The following DPP10 variants were observed in gnomAD, a reference collection of about 807,000 sequenced individuals.
DPP10 encodes the protein dipeptidyl peptidase like 10.
A neutral mutation model predicts 120.9 loss-of-function variants in DPP10; 33 were observed. The observed-to-expected ratio is 0.27, with a 90% confidence interval of 0.21 to 0.37. The LOEUF is 0.37. DPP10 is among the 10% of genes least tolerant of loss of function. The pLI is 1.00. For synonymous variants in DPP10, 337 were observed against 326.1 expected (o/e 1.03, Z -0.36); for missense variants, 816 against 942.8 (o/e 0.87, Z 1.76).
chr2:115,663,955 A>T (rs893201671), intron 5 of DPP10, among the ~76,000 whole-genome samples: 11 of 151,996 alleles, frequency 7.2e-5, no homozygotes, highest in African/African-American at 2.7e-4. Context: ...AGATCGTGCC[A>T]TTGCACTCCA....
rs1214456504 is a variant in DPP10, at chr2:115,844,348, G to A, written c.*2003G>A. 2 of 152,298 alleles carry A rather than the reference G, an allele frequency of 1.3e-5. No individual in the cohort carries two copies. Among genetic ancestry groups the A allele is most frequent in the African/African-American group, 2.4e-5 (1 of 41,364 alleles). The allele number at this position is 152,298 out of a possible 1,614,324, so 9.4% of individuals were successfully genotyped here. On this transcript the variant is annotated 3_prime_UTR_variant, in exon 26 of 26. Transcript: ENST00000410059. The stretch of plus-strand genomic sequence containing the variant: ...TTTGAGTATCATTTAAAAAGTATTT[G>A]CCTTTTACTGTCATCATTTCTCTTG...
intron 1 of DPP10, among the ~76,000 whole-genome samples, chr2:115,043,746 A>T (rs2105312129): frequency 6.6e-6 from 1 of 152,298 alleles, no homozygotes. Flanking sequence ...AACGTTTAAA[A>T]ATTGGCTTTC....
intron 1 of DPP10, among the ~76,000 whole-genome samples, chr2:114,901,808 AAAT>A (rs1325669389): frequency 1.3e-5 from 2 of 152,182 alleles, no homozygotes; most frequent in African/African-American, 2.4e-5. Flanking sequence ...CTCTTTCTTC[AAAT>A]AATAATAATG....
In DPP10 at chr2:114,921,779, T is replaced by C. The variant is rs113150429; in HGVS notation, c.61-387460T>C. 2.5e-3 allele frequency among the ~76,000 whole-genome samples: 383 copies of C among 152,354 alleles called. 4 individuals carry two copies. Among genetic ancestry groups the C allele is most frequent in the African/African-American group, 8.4e-3 (351 of 41,590 alleles). ...AGATAATATCTGTCTATTATGGCTG[T>C]ATCCAAGATACCTACCACAAAGCCT... On this transcript the variant is annotated intron_variant, in intron 1 of 25. Coordinates refer to ENST00000410059, the MANE Select transcript of DPP10 (RefSeq NM_020868.6).
intron 5 of DPP10, among the ~76,000 whole-genome samples, chr2:115,655,891 G>A (rs901299271): frequency 6.6e-6 from 1 of 151,408 alleles, no homozygotes; most frequent in Non-Finnish European, 1.5e-5. Context: ...TTTGGCAATT[G>A]GGTGTTAAAT....
At chr2:115,253,636 G>T (rs976146079) in intron 1 of DPP10, among the ~76,000 whole-genome samples, 3 of 152,222 alleles carry the variant, frequency 2.0e-5, no homozygotes, top group Non-Finnish European at 4.4e-5. Flanking sequence ...AACCTGGCAG[G>T]ACAGTCATTA....
At chr2:114,752,300 AG>A (rs1411671817) in intron 1 of DPP10, among the ~76,000 whole-genome samples, 2 of 152,214 alleles carry the variant, frequency 1.3e-5, no homozygotes, top group African/African-American at 2.4e-5. Context: ...CTTACTCTTC[AG>A]GTATCTGTAA....
At chr2:114,527,863 A>T (rs1329629731) in intron 1 of DPP10, among the ~76,000 whole-genome samples, 2 of 152,222 alleles carry the variant, frequency 1.3e-5, no homozygotes, top group Non-Finnish European at 2.9e-5. Context: ...CACAATGATA[A>T]GCACGTATAT....
chr2:114,537,668 C>A (rs983053305), intron 1 of DPP10, among the ~76,000 whole-genome samples: 5 of 152,100 alleles, frequency 3.3e-5, no homozygotes, highest in Admixed American at 1.3e-4. Context: ...TATTCCATCC[C>A]ATTTGATCAT....
At chr2:114,868,782 T>A (rs1690444477) in intron 1 of DPP10, among the ~76,000 whole-genome samples, 1 of 152,118 alleles carries the variant, frequency 6.6e-6, no homozygotes, top group African/African-American at 2.4e-5. Flanking sequence ...ACAATTCTTT[T>A]TAGGAAAAGA....
At chr2:114,536,766 T>C (rs1686538581) in intron 1 of DPP10, among the ~76,000 whole-genome samples, 1 of 152,158 alleles carries the variant, frequency 6.6e-6, no homozygotes, top group South Asian at 2.1e-4. Flanking sequence ...GTCATTTTAA[T>C]CATTATTTGT....
intron 1 of DPP10, among the ~76,000 whole-genome samples, chr2:115,204,279 C>T (rs1321176663): frequency 6.6e-6 from 1 of 152,086 alleles, no homozygotes; most frequent in Non-Finnish European, 1.5e-5. Context: ...AAGTAATTTA[C>T]CTTTGTCTAG....
At chr2:115,562,430 T>A (rs2149055327) in intron 5 of DPP10, among the ~76,000 whole-genome samples, 1 of 152,274 alleles carries the variant, frequency 6.6e-6, no homozygotes, top group East Asian at 1.9e-4. Context: ...TTTTCATCAC[T>A]CTTATCAGCA....
chr2:114,676,281 C>G (rs1698667576), intron 1 of DPP10, among the ~76,000 whole-genome samples: 2 of 152,122 alleles, frequency 1.3e-5, no homozygotes, highest in Admixed American at 1.3e-4. Flanking sequence ...TATGGACTAG[C>G]AATTCTCAAT....
At chr2:114,652,550 T>G (rs910855184) in intron 1 of DPP10, among the ~76,000 whole-genome samples, 11 of 152,210 alleles carry the variant, frequency 7.2e-5, no homozygotes, top group Admixed American at 3.3e-4. Context: ...ACGAATTCAT[T>G]TAATCATTTA....
At chr2:115,827,902 G>T (rs1688540043) in intron 21 of DPP10, among the ~76,000 whole-genome samples, 1 of 151,926 alleles carries the variant, frequency 6.6e-6, no homozygotes, top group Non-Finnish European at 1.5e-5. Flanking sequence ...CGGCCTAAAA[G>T]TGAGTTATTT....
chr2:114,597,550 C>T (rs183835870), intron 1 of DPP10, among the ~76,000 whole-genome samples: 144 of 151,998 alleles, frequency 9.5e-4, no homozygotes, highest in Non-Finnish European at 6.2e-4. Context: ...ATGAAGGCTG[C>T]GGCTATATTT....
chr2:115,276,071 G>T (rs1035143706), intron 1 of DPP10, among the ~76,000 whole-genome samples: 2 of 152,132 alleles, frequency 1.3e-5, no homozygotes, highest in Non-Finnish European at 2.9e-5. Flanking sequence ...TGAATTACAT[G>T]CCCACCCTTT....
At chr2:114,631,268 A>G (rs1231826116) in intron 1 of DPP10, among the ~76,000 whole-genome samples, 1 of 152,122 alleles carries the variant, frequency 6.6e-6, no homozygotes, top group African/African-American at 2.4e-5. Flanking sequence ...AAGATGCTGG[A>G]GTTTCCGACA....
Sources: allele counts gnomAD v4.1 joint callset (sites outside exome capture counted in the v4.1 genomes callset), GRCh38; gene constraint gnomAD v4.1.1; transcripts MANE v1.5; gene names NCBI Gene and HGNC (gene_info 2026-07-23, HGNC 2026-07-21).